Variants in SLC10A6 observed in about 807,000 individuals in gnomAD.
SLC10A6 encodes solute carrier family 10 member 6, also known as sodium-dependent organic anion transporter.
SLC10A6 carries 27 observed loss-of-function variants against 30.0 expected under a neutral mutation model. The ratio of observed to expected loss-of-function variants is 0.90; its 90% CI spans 0.66 to 1.24. SLC10A6 has a LOEUF of 1.24. Ranked by LOEUF, SLC10A6 falls within the 50% of genes most tolerant of loss-of-function variation. The pLI is 0.00. For missense variants in SLC10A6, 439 were observed against 457.0 expected (o/e 0.96, Z 0.36); for synonymous variants, 166 against 173.8 (o/e 0.95, Z 0.36).
chr4:86,825,860 C>T (rs1225840157), intron 4 of SLC10A6, among the ~76,000 whole-genome samples: 3 of 152,182 alleles, frequency 2.0e-5, no homozygotes, highest in South Asian at 2.1e-4. Flanking sequence ...CCAAAGGCCA[C>T]GCAGATGTAG....
intron 5 of SLC10A6, among the ~76,000 whole-genome samples, chr4:86,825,051 C>A (rs1432367426): frequency 6.6e-6 from 1 of 152,142 alleles, no homozygotes; most frequent in Non-Finnish European, 1.5e-5. Context: ...GACCTCAAGG[C>A]TTTTAATGAG....
chr4:86,830,663 T>C (rs772754466), intron 3 of SLC10A6, among the ~76,000 whole-genome samples: 1 of 152,112 alleles, frequency 6.6e-6, no homozygotes, highest in Non-Finnish European at 1.5e-5. Context: ...GAAAACAGTG[T>C]CCATTAGCAC....
chr4:86,838,444 G>A (rs76521257), intron 1 of SLC10A6, among the ~76,000 whole-genome samples: 5,250 of 152,208 alleles, frequency 0.034, 296 homozygotes, highest in African/African-American at 0.12. Context: ...CTGAATAAAT[G>A]TATGAATCAA....
At position 86,825,432 on chromosome 4, in the gene SLC10A6, G is replaced by A; in HGVS notation, c.907C>T (p.Leu303Phe). 6.3e-7 allele frequency: 1 copy of A among 1,595,844 alleles called. No homozygotes were observed. The highest frequency in any genetic ancestry group is 8.6e-7 in the Non-Finnish European group (1 of 1,165,202). ...YGLFQLIDGF[L>F]IVAAYQTYKR... ...GGTGTTCACCCACCTGCAACAATAA[G>A]AAATCCATCTATCAGCTGGAAGAGT... Residue 303 changes from leucine (L) to phenylalanine (F), a missense_variant, in exon 5 of 6, where the codon CTT (leucine) becomes TTT (phenylalanine). Transcript: ENST00000273905.
intron 1 of SLC10A6, among the ~76,000 whole-genome samples, chr4:86,838,694 G>T (rs535634511): frequency 6.6e-6 from 1 of 151,846 alleles, no homozygotes; most frequent in African/African-American, 2.4e-5. Context: ...AGGCCAAGGC[G>T]TGCAGATTAC....
intron 3 of SLC10A6, 81 bp from the exon 4 acceptor site, chr4:86,828,249 G>A (rs1249498933): frequency 7.0e-7 from 1 of 1,426,934 alleles, no homozygotes; most frequent in Non-Finnish European, 9.4e-7. Flanking sequence ...GTTGTAAAAT[G>A]CTTGGGATCT....
chr4:86,840,199 G>A (rs1042298890), intron 1 of SLC10A6, among the ~76,000 whole-genome samples: 2 of 151,842 alleles, frequency 1.3e-5, no homozygotes, highest in African/African-American at 4.8e-5. Context: ...GATTACAGGC[G>A]TGAGCCACTG....
chr4:86,824,136 G>T (rs1578752721), intron 5 of SLC10A6, among the ~76,000 whole-genome samples: 2 of 152,048 alleles, frequency 1.3e-5, no homozygotes, highest in Non-Finnish European at 2.9e-5. Context: ...TCATCAGGTT[G>T]CTGACAGCTT....
At chr4:86,842,469 T>C (rs1746306735) in intron 1 of SLC10A6, among the ~76,000 whole-genome samples, 1 of 152,096 alleles carries the variant, frequency 6.6e-6, no homozygotes, top group Admixed American at 6.6e-5. Flanking sequence ...GTGGGAGGAT[T>C]GCTTGAGCCC....
intron 4 of SLC10A6, 128 bp from the exon 5 acceptor site, chr4:86,825,705 G>A (rs1329252472): frequency 3.1e-5 from 31 of 1,016,268 alleles, no homozygotes; most frequent in South Asian, 5.1e-5. Flanking sequence ...TCATTCCATA[G>A]TTATTTGCTG....
intron 1 of SLC10A6, among the ~76,000 whole-genome samples, chr4:86,842,697 CAA>C (rs560403282): frequency 5.0e-5 from 3 of 59,720 alleles, no homozygotes; most frequent in Middle Eastern, 7.8e-3. Context: ...GACCCTGTCT[CAA>C]AAAAAAAAAA....
At chr4:86,826,977 C>T (rs1208932692) in intron 4 of SLC10A6, among the ~76,000 whole-genome samples, 2 of 152,160 alleles carry the variant, frequency 1.3e-5, no homozygotes, top group South Asian at 2.1e-4. Flanking sequence ...TGTGTTCATA[C>T]GTTATTTCTA....
At chr4:86,837,658 C>T in intron 1 of SLC10A6, 1 of 983,870 alleles carries the variant, frequency 1.0e-6, no homozygotes, top group South Asian at 4.7e-5. Flanking sequence ...GTATTTTGTA[C>T]CTACCTGAGT....
At chr4:86,844,452 A>C (rs1746359946) in intron 1 of SLC10A6, among the ~76,000 whole-genome samples, 1 of 152,200 alleles carries the variant, frequency 6.6e-6, no homozygotes, top group South Asian at 2.1e-4. Flanking sequence ...GTGACTTGGA[A>C]GTTCAGCCCA....
At chr4:86,835,788 C>T (rs2149412010) in intron 1 of SLC10A6, among the ~76,000 whole-genome samples, 1 of 151,636 alleles carries the variant, frequency 6.6e-6, no homozygotes, top group South Asian at 2.1e-4. Context: ...AAGGAAGGGA[C>T]TGAGATTTGA....
In SLC10A6 at chr4:86,849,147, G is replaced by A; in HGVS notation, c.-32C>T. The A allele has an allele frequency of 2.5e-6, 4 of 1,576,614 alleles. No individual in the cohort carries two copies. Among genetic ancestry groups the A allele is most frequent in the Non-Finnish European group, 3.4e-6 (4 of 1,160,822 alleles). On this transcript the variant is annotated 5_prime_UTR_variant, in exon 1 of 6. Transcript: ENST00000273905. ...ATCTCCTTAAGGCAGCATTACAAAT[G>A]AACATCGGCAACAATGGCTGGGCAG...
intron 1 of SLC10A6, among the ~76,000 whole-genome samples, chr4:86,837,295 A>G (rs1746212657): frequency 3.1e-5 from 2 of 65,252 alleles, no homozygotes; most frequent in African/African-American, 1.8e-4. Context: ...AAAAGAAAGG[A>G]AGGAAGGAAG....
At chr4:86,835,500 C>T (rs548215533) in intron 1 of SLC10A6, among the ~76,000 whole-genome samples, 3 of 152,228 alleles carry the variant, frequency 2.0e-5, no homozygotes, top group South Asian at 4.1e-4. Context: ...AACCCTGTCT[C>T]TACTAACAAT....
At chr4:86,842,880 T>TCTTTCTTTCTTTCTTTCTTTCTTTC (rs1242095027) in intron 1 of SLC10A6, among the ~76,000 whole-genome samples, 3 of 116,572 alleles carry the variant, frequency 2.6e-5, no homozygotes, top group Admixed American at 9.8e-5. Flanking sequence ...CTTTCTTTTT[T>TCTTTCTTTCTTTCTTTCTTTCTTTC]TTTTTGAGAT....
Sources: allele counts gnomAD v4.1 joint callset (sites outside exome capture counted in the v4.1 genomes callset), GRCh38; gene constraint gnomAD v4.1.1; transcripts MANE v1.5; gene names NCBI Gene and HGNC (gene_info 2026-07-23, HGNC 2026-07-21).